UBE2E3: variants seen among roughly 807,000 people sequenced by gnomAD.
UBE2E3 encodes the protein ubiquitin-conjugating enzyme E2 E3.
In UBE2E3, 5 loss-of-function variants were observed where a neutral mutation model predicts 23.6. The observed-to-expected ratio is 0.21, with a 90% CI of 0.11 to 0.44. UBE2E3 has a LOEUF of 0.44. Among genes scored for constraint, UBE2E3 ranks in the 20% least tolerant of loss-of-function variants. UBE2E3 has a pLI of 0.99. For missense variants in UBE2E3, 81 were observed against 249.8 expected (o/e 0.32, Z 4.55); for synonymous variants, 78 against 87.5 (o/e 0.89, Z 0.60).
intron 3 of UBE2E3, among the ~76,000 whole-genome samples, chr2:181,009,455 A>G (rs754327256): frequency 2.6e-5 from 4 of 152,114 alleles, no homozygotes; most frequent in Non-Finnish European, 5.9e-5. Flanking sequence ...ACAAAGTAAG[A>G]TGGAAGTCCA....
chr2:181,026,203 A>G (rs796071140), intron 3 of UBE2E3, among the ~76,000 whole-genome samples: 3 of 152,104 alleles, frequency 2.0e-5, no homozygotes, highest in African/African-American at 7.2e-5. Flanking sequence ...TTTGAAAATA[A>G]TGATTGAAGC....
chr2:181,011,649 G>A (rs1559120619), intron 3 of UBE2E3, among the ~76,000 whole-genome samples: 2 of 152,294 alleles, frequency 1.3e-5, no homozygotes, highest in South Asian at 2.1e-4. Context: ...TAGTTGCTAG[G>A]TAATGTCTTT....
At chr2:181,062,287 C>G (rs1461530220) in intron 5 of UBE2E3, among the ~76,000 whole-genome samples, 1 of 151,424 alleles carries the variant, frequency 6.6e-6, no homozygotes, top group Non-Finnish European at 1.5e-5. Flanking sequence ...CTCTCTAGTT[C>G]AGAATTCTAC....
At chr2:181,051,394 C>T (rs1248971952) in intron 3 of UBE2E3, among the ~76,000 whole-genome samples, 1 of 151,672 alleles carries the variant, frequency 6.6e-6, no homozygotes, top group Non-Finnish European at 1.5e-5. Flanking sequence ...TAATATTCTT[C>T]TTAGAACTCA....
At chr2:180,992,636 C>T (rs887933616) in intron 3 of UBE2E3, among the ~76,000 whole-genome samples, 4 of 151,836 alleles carry the variant, frequency 2.6e-5, no homozygotes, top group Admixed American at 2.6e-4. Flanking sequence ...GCTGGGACTA[C>T]AGGCGCACCC....
At chr2:181,006,888 A>T (rs1685165684) in intron 3 of UBE2E3, among the ~76,000 whole-genome samples, 1 of 152,194 alleles carries the variant, frequency 6.6e-6, no homozygotes, top group Admixed American at 6.5e-5. Flanking sequence ...AAATTACTTA[A>T]ACATTTTCAA....
At chr2:181,038,471 A>G (rs1686370696) in intron 3 of UBE2E3, among the ~76,000 whole-genome samples, 2 of 152,228 alleles carry the variant, frequency 1.3e-5, no homozygotes, top group Admixed American at 6.5e-5. Context: ...ACAAAAATTA[A>G]TTCAAAATGG....
intron 3 of UBE2E3, among the ~76,000 whole-genome samples, chr2:181,027,162 A>G (rs987236836): frequency 6.6e-6 from 1 of 151,960 alleles, no homozygotes; most frequent in Non-Finnish European, 1.5e-5. Flanking sequence ...CCATTTAAAT[A>G]AAAGGTCTCT....
At chr2:181,020,536 A>C (rs1232283246) in intron 3 of UBE2E3, among the ~76,000 whole-genome samples, 2 of 152,218 alleles carry the variant, frequency 1.3e-5, no homozygotes, top group East Asian at 3.8e-4. Flanking sequence ...GATCCTTAAT[A>C]ATAATGTAAT....
chr2:181,005,169 A>G (rs1685112831), intron 3 of UBE2E3, among the ~76,000 whole-genome samples: 1 of 152,222 alleles, frequency 6.6e-6, no homozygotes, highest in Admixed American at 6.5e-5. Flanking sequence ...TGCTGTCAGC[A>G]TCTGATTTAC....
rs115242052 is a variant in UBE2E3 at position 181,030,433 on chromosome 2, A to G, written c.246-27260A>G. The stretch of plus-strand genomic sequence containing the variant: ...ATGTCAGACTAACTTTGCATTTCCA[A>G]TTTGGCAATATATATTATCTTTTTT... On this transcript the variant is annotated intron_variant, in intron 3 of 5. Transcript: ENST00000410062. 3.8e-3 allele frequency among the ~76,000 whole-genome samples: 572 copies of G among 152,098 alleles called. 4 individuals carry two copies. Among genetic ancestry groups the G allele is most frequent in the African/African-American group, 0.013 (556 of 41,508 alleles).
chr2:181,058,695 C>CTA (rs1287659557), intron 4 of UBE2E3, among the ~76,000 whole-genome samples: 1 of 150,642 alleles, frequency 6.6e-6, no homozygotes, highest in East Asian at 2.0e-4. Context: ...ATGTTGCAGT[C>CTA]TATACCATTT....
chr2:180,993,954 G>C (rs1684751742), intron 3 of UBE2E3, among the ~76,000 whole-genome samples: 1 of 152,102 alleles, frequency 6.6e-6, no homozygotes, highest in Non-Finnish European at 1.5e-5. Flanking sequence ...TGATATATAT[G>C]CTTGTACTAA....
intron 3 of UBE2E3, among the ~76,000 whole-genome samples, chr2:181,010,311 T>C (rs1685281684): frequency 6.6e-6 from 1 of 152,192 alleles, no homozygotes; most frequent in Admixed American, 6.6e-5. Flanking sequence ...ATACTATTTC[T>C]TGTCAGTCAT....
Position 181,062,826 on chromosome 2 carries a change from T to C in UBE2E3, c.562T>C (p.Leu188=). ...GGTTGGAAGCATAGCCACTCAGTAT[T>C]TGACCAACAGAGCAGAACACGACAG... ...PLVGSIATQY[L]TNRAEHDRIA... The change falls in exon 6 of 6, where the codon TTG becomes CTG. Residue 188 remains leucine, a synonymous_variant. Transcript: ENST00000410062. 1 of 1,607,484 alleles carries C rather than the reference T, an allele frequency of 6.2e-7. No individual in the cohort carries two copies. Among genetic ancestry groups the C allele is most frequent in the Non-Finnish European group, 8.5e-7 (1 of 1,176,036 alleles).
At chr2:181,049,557 G>C (rs572089288) in intron 3 of UBE2E3, among the ~76,000 whole-genome samples, 1 of 152,060 alleles carries the variant, frequency 6.6e-6, no homozygotes, top group African/African-American at 2.4e-5. Context: ...CAATAGACTT[G>C]ACTGCGTTTG....
intron 3 of UBE2E3, among the ~76,000 whole-genome samples, chr2:180,989,204 T>C (rs1437802786): frequency 6.6e-6 from 1 of 152,136 alleles, no homozygotes; most frequent in Admixed American, 6.5e-5. Context: ...GCTAATAGTT[T>C]CTTCAACACA....
intron 3 of UBE2E3, among the ~76,000 whole-genome samples, chr2:181,030,204 T>G (rs1686032660): frequency 6.6e-6 from 1 of 152,090 alleles, no homozygotes; most frequent in African/African-American, 2.4e-5. Context: ...AACTCTTCAT[T>G]GGGCATTAAA....
intron 3 of UBE2E3, among the ~76,000 whole-genome samples, chr2:181,021,854 GT>G (rs567271337): frequency 1.3e-5 from 2 of 151,828 alleles, no homozygotes; most frequent in Non-Finnish European, 2.9e-5. Context: ...ATACTTCTGG[GT>G]TTTGCTTTCT....
Sources: allele counts gnomAD v4.1 joint callset (sites outside exome capture counted in the v4.1 genomes callset), GRCh38; gene constraint gnomAD v4.1.1; transcripts MANE v1.5; gene names NCBI Gene and HGNC (gene_info 2026-07-23, HGNC 2026-07-21).